MUC4: variants seen among roughly 807,000 people sequenced by gnomAD.
The protein encoded by MUC4 is mucin-4.
MUC4 carries 202 observed loss-of-function variants against 257.9 expected under a neutral mutation model. The observed-to-expected ratio is 0.78, with a 90% CI of 0.70 to 0.88. The LOEUF is 0.88. Ranked by LOEUF, MUC4 falls within the 40% of genes least tolerant of loss-of-function variation. MUC4 has a pLI of 0.00. For missense variants in MUC4, 5,976 were observed against 6,513.7 expected, an observed-to-expected ratio of 0.92 and a Z score of 2.84; for synonymous variants, 2,351 against 2,757.1, an observed-to-expected ratio of 0.85 and a Z score of 4.62.
intron 2 of MUC4, 77 bp from the exon 3 acceptor site, chr3:195,778,532 AGG>A: frequency 6.4e-7 from 1 of 1,568,230 alleles, no homozygotes; most frequent in African/African-American, 1.4e-5. Context: ...CAAAGAAATC[AGG>A]AGCTGGAAGA....
chr3:195,811,627 CTAT>C, intron 1 of MUC4, 106 bp downstream of exon 1: 3 of 936,286 alleles, frequency 3.2e-6, no homozygotes, highest in South Asian at 1.6e-5. Flanking sequence ...TCCCTTTCCC[CTAT>C]TCTCTCTCTC....
intron 23 of MUC4, chr3:195,750,317 G>A (rs575171659): frequency 6.9e-5 from 10 of 144,126 alleles, no homozygotes; most frequent in East Asian, 6.0e-4. Flanking sequence ...TGCTTGGGGA[G>A]TGTTGAGGCC....
chr3:195,748,986 C>G lies in MUC4; in HGVS notation c.15950G>C (p.Gly5317Ala). The G allele has an allele frequency of 1.2e-6, 2 of 1,609,714 alleles. No homozygotes were observed. Among genetic ancestry groups the G allele is most frequent in the Non-Finnish European group, 8.5e-7 (1 of 1,177,954 alleles). The change falls in exon 24 of 25, where the codon GGC becomes GCC. Residue 5317 changes from glycine (G) to alanine (A), a missense_variant. Physicochemically the swap from Gly to Ala is moderately conservative, Grantham distance 60 (BLOSUM62 0). Around this residue, in one of 44 missense-constraint regions of MUC4, gnomAD observed 310 missense variants for 242.1 expected, o/e 1.28. Transcript: ENST00000463781. ...ACTGCACGGGGACACGCAGGTGAAG[C>G]CGCTCTGGGGGCTGTAGACCAGGTC... ...GYDLVYSPQSGFTCVSPCSRG... is the reference protein window; with the variant it reads ...GYDLVYSPQSAFTCVSPCSRG...
chr3:195,760,205 G>T (rs1353396024), intron 16 of MUC4, among the ~76,000 whole-genome samples: 1 of 152,126 alleles, frequency 6.6e-6, no homozygotes, highest in African/African-American at 2.4e-5. Flanking sequence ...AAATGCTAAG[G>T]AGAAAAAAAT....
intron 9 of MUC4, 47 bp from the exon 10 acceptor site, chr3:195,765,169 G>T: frequency 6.3e-7 from 1 of 1,590,232 alleles, no homozygotes; most frequent in Non-Finnish European, 8.6e-7. Flanking sequence ...GGCTGCCAGG[G>T]GCGGGGTGGG....
intron 16 of MUC4, among the ~76,000 whole-genome samples, chr3:195,760,404 G>A (rs1205473279): frequency 6.6e-6 from 1 of 151,990 alleles, no homozygotes; most frequent in African/African-American, 2.4e-5. Flanking sequence ...TGGGAGCTGA[G>A]CGCACCTAGC....
At chr3:195,778,769 G>A (rs1434191909) in intron 2 of MUC4, 21 bp downstream of exon 2, 14 of 1,593,364 alleles carry the variant, frequency 8.8e-6, no homozygotes, top group Non-Finnish European at 2.6e-6. Context: ...GAGACATAAA[G>A]GCGAGGCAGT....
At chr3:195,759,487 C>G (rs1416288181) in intron 16 of MUC4, among the ~76,000 whole-genome samples, 2 of 152,156 alleles carry the variant, frequency 1.3e-5, no homozygotes, top group African/African-American at 4.8e-5. Context: ...CCCACCTCCT[C>G]AAAAAGAGCT....
Position 195,760,415 on chromosome 3 carries a change from G to A in MUC4, c.14848+469C>T, listed in dbSNP as rs550522936. 2.0e-4 allele frequency among the ~76,000 whole-genome samples: 30 copies of A among 150,962 alleles called. 1 individual carries two copies. The highest frequency in any genetic ancestry group is 3.8e-4 in the Non-Finnish European group (26 of 67,810). ...AGCCTGGGAGCTGAGCGCACCTAGCGTGTTTGAAGAACACAGAGGAGCCTG... is the reference window on the plus strand; with the variant it reads ...AGCCTGGGAGCTGAGCGCACCTAGCATGTTTGAAGAACACAGAGGAGCCTG... On this transcript the variant is annotated intron_variant, in intron 16 of 24. Coordinates refer to ENST00000463781, the MANE Select transcript of MUC4 (RefSeq NM_018406.7).
At position 195,788,927 on chromosome 3, in the gene MUC4, G is replaced by T. The variant is rs1332137286; in HGVS notation, c.2653C>A (p.Pro885Thr). ...TLSEASTAGR[P>T]TGQSSPTSPS... ...GAAGTTGGGCTTGACTGTCCTGTCG[G>T]TCTCCCTGCAGTGGAGGCCTCAGAG... Residue 885 changes from proline to threonine, a missense_variant, in exon 2 of 25, where the codon CCG (proline) becomes ACG (threonine). This residue lies in a region of MUC4 where 1,583 missense variants were observed against 1,257.4 expected (regional missense o/e 1.26). Transcript: ENST00000463781. 13 of 1,613,516 alleles carry T rather than the reference G, an allele frequency of 8.1e-6. No homozygotes were observed. The highest frequency in any genetic ancestry group is 1.3e-5 in the African/African-American group (1 of 74,864).
In MUC4 at chr3:195,790,510, C is replaced by G. The variant is rs751033740; in HGVS notation, c.1070G>C (p.Ser357Thr). Reference sequence around the variant, plus strand: ...AACTGTTCCACTTGGGTTGAATCCACTTGGTGAGGATAAAACAGTTGATGT... The same window carrying G: ...AACTGTTCCACTTGGGTTGAATCCAGTTGGTGAGGATAAAACAGTTGATGT... ...VTTSTVLSSP[S>T]GFNPSGTVSQ... Residue 357 changes from serine to threonine, a missense_variant, in exon 2 of 25, where the codon AGT becomes ACT. By Grantham distance (58) the Ser-to-Thr change is moderately conservative. Coordinates refer to ENST00000463781, the MANE Select transcript of MUC4 (RefSeq NM_018406.7). 6.2e-7 allele frequency: 1 copy of G among 1,613,988 alleles called. No individual in the cohort carries two copies. Among genetic ancestry groups the G allele is most frequent in the Non-Finnish European group, 8.5e-7 (1 of 1,179,896 alleles).
chr3:195,789,091 A>T lies in MUC4; in HGVS notation c.2489T>A (p.Phe830Tyr). ...ACTGTCCCTGGAGGGGTTTGATGAAAACCTTGTCGTCTCTCCTGAGGTGGA... is the reference window on the plus strand; with the variant it reads ...ACTGTCCCTGGAGGGGTTTGATGAATACCTTGTCGTCTCTCCTGAGGTGGA... ...GISTSGETTR[F>Y]SSNPSRDSHT... The change falls in exon 2 of 25, where the codon TTT (phenylalanine) becomes TAT (tyrosine). Residue 830 changes from phenylalanine (F) to tyrosine (Y), a missense_variant. Phe to Tyr is a conservative substitution (Grantham distance 22, BLOSUM62 3). Coordinates refer to ENST00000463781, the MANE Select transcript of MUC4 (RefSeq NM_018406.7). The T allele has an allele frequency of 1.2e-6, 2 of 1,613,140 alleles. No individual in the cohort carries two copies. The highest frequency in any genetic ancestry group is 1.7e-6 in the Non-Finnish European group (2 of 1,179,512).
chr3:195,786,616 G>A lies in MUC4; in HGVS notation c.4964C>T (p.Ser1655Phe), dbSNP rs760936097. The change falls in exon 2 of 25, where the codon TCC (serine) becomes TTC (phenylalanine). Residue 1655 changes from serine to phenylalanine, a missense_variant. By Grantham distance (155) the Ser-to-Phe change is radical (BLOSUM62 -2). This residue lies in a region of MUC4 where 61 missense variants were observed against 100.2 expected (regional missense o/e 0.61). Transcript: ENST00000463781. ...GGTGGCGTGACCTGTGGATGCTGAG[G>A]AAGGGCTGGTGACATGAAGAGGGGT... ...HATPLHVTSPSSASTGHATPL... is the reference protein window; with the variant it reads ...HATPLHVTSPFSASTGHATPL... 290 of 1,525,898 alleles carry A rather than the reference G, an allele frequency of 1.9e-4. No individual in the cohort carries two copies. The African/African-American group carries it at 3.5e-3, about 19-fold the overall frequency. The allele number at this position is 1,525,898 out of a possible 1,614,324, so 94.5% of individuals were successfully genotyped here. A position where few individuals can be genotyped will look rare whatever the true frequency, so the allele number is the denominator to read the frequency against.
chr3:195,770,759 C>G, intron 5 of MUC4: 1 of 433,082 alleles, frequency 2.3e-6, no homozygotes, highest in Non-Finnish European at 4.7e-6. Flanking sequence ...CTGTCCGTGG[C>G]AGGGGCACGG....
rs1368084246 is a variant in MUC4, at chr3:195,778,344, G to T, written c.12902C>A (p.Thr4301Asn). ...ISTIPSTAMH[T>N]RSTAAPIPIL... Reference sequence around the variant, plus strand: ...GGGGATGGGGGCAGCTGTGGAGCGGGTGTGCATGGCAGTGCTGGGAATGGT... The same window carrying T: ...GGGGATGGGGGCAGCTGTGGAGCGGTTGTGCATGGCAGTGCTGGGAATGGT... The change falls in exon 3 of 25, where the codon ACC becomes AAC. Residue 4301 changes from threonine (T) to asparagine (N), a missense_variant. Physicochemically the swap from Thr to Asn is moderately conservative, Grantham distance 65. This residue lies in a region of MUC4 where 233 missense variants were observed against 171.2 expected (regional missense o/e 1.36). Transcript: ENST00000463781. 2 of 1,612,830 alleles carry T rather than the reference G, an allele frequency of 1.2e-6. No homozygotes were observed. The highest frequency in any genetic ancestry group is 2.2e-5 in the East Asian group (1 of 44,876).
intron 1 of MUC4, among the ~76,000 whole-genome samples, chr3:195,797,803 A>G (rs1483982169): frequency 2.0e-5 from 3 of 152,156 alleles, no homozygotes; most frequent in Admixed American, 2.0e-4. Flanking sequence ...CATAATCAAA[A>G]TTTTAAAAAT....
At chr3:195,766,519 T>G in intron 8 of MUC4, 144 bp downstream of exon 8, 1 of 703,510 alleles carries the variant, frequency 1.4e-6, no homozygotes. Flanking sequence ...CACCTAGACC[T>G]GTAGGAGGTT....
intron 20 of MUC4, 35 bp from the exon 21 acceptor site, chr3:195,752,481 A>G (rs748634412): frequency 6.8e-5 from 107 of 1,584,192 alleles, no homozygotes; most frequent in South Asian, 2.2e-5. Context: ...TCATCACCCC[A>G]CGGTTTACCC....
At chr3:195,801,573 C>T (rs1735316682) in intron 1 of MUC4, among the ~76,000 whole-genome samples, 1 of 152,108 alleles carries the variant, frequency 6.6e-6, no homozygotes, top group South Asian at 2.1e-4. Context: ...AGTCTGTCAT[C>T]CGTCTGTGTC....
Sources: gnomAD v4.1 joint callset for allele counts (sites outside exome capture counted in the v4.1 genomes callset) on GRCh38, gnomAD v4.1.1 for gene constraint, gnomAD v4.1.1 regional missense constraint, MANE v1.5 for transcripts, NCBI Gene and HGNC (gene_info 2026-07-23, HGNC 2026-07-21) for gene names.